Variants in CBFA2T2 observed in about 807,000 individuals in gnomAD.
CBFA2T2 encodes protein CBFA2T2.
A neutral mutation model predicts 62.2 loss-of-function variants in CBFA2T2; 11 were observed. The ratio of observed to expected loss-of-function variants is 0.18; its 90% CI spans 0.11 to 0.29. The LOEUF is 0.29. CBFA2T2 is among the 10% of genes least tolerant of loss of function. CBFA2T2 has a pLI of 1.00. For missense variants in CBFA2T2, 592 were observed against 774.1 expected (o/e 0.76, Z 2.79); for synonymous variants, 295 against 287.5 (o/e 1.03, Z -0.27).
At chr20:33,559,131 T>C (rs2013006830) in intron 1 of CBFA2T2, among the ~76,000 whole-genome samples, 1 of 151,914 alleles carries the variant, frequency 6.6e-6, no homozygotes, top group African/African-American at 2.4e-5. Flanking sequence ...ATTTAAACAT[T>C]TTATTGTGTT....
At position 33,490,260 on chromosome 20, in the gene CBFA2T2, G is replaced by T; in HGVS notation, c.-8G>T. ...GAGGCGGGCGGCGCGCGGCGGCGGC[G>T]CTCGGCGATGGTAGGCGTCCCTGGA... is the stretch of plus-strand genomic sequence containing the variant. On this transcript the variant is annotated 5_prime_UTR_variant, in exon 1 of 11. Transcript: ENST00000342704. 2 of 1,241,540 alleles carry T rather than the reference G, an allele frequency of 1.6e-6. No homozygotes were observed. The highest frequency in any genetic ancestry group is 2.0e-6 in the Non-Finnish European group (2 of 993,182). The allele number at this position is 1,241,540 out of a possible 1,614,324, so 76.9% of individuals were successfully genotyped here. A position where few individuals can be genotyped will look rare whatever the true frequency, so the allele number is the denominator to read the frequency against.
At chr20:33,495,057 A>G (rs188324364) in intron 1 of CBFA2T2, among the ~76,000 whole-genome samples, 7 of 152,270 alleles carry the variant, frequency 4.6e-5, no homozygotes, top group African/African-American at 7.2e-5. Context: ...TACCTTCTCA[A>G]TCCATTAGGT....
intron 1 of CBFA2T2, among the ~76,000 whole-genome samples, chr20:33,570,718 A>C (rs922274315): frequency 3.9e-5 from 6 of 152,186 alleles, no homozygotes; most frequent in Non-Finnish European, 7.3e-5. Context: ...TCATTCTGTC[A>C]TTGTACATAC....
chr20:33,543,508 A>G lies in CBFA2T2; in HGVS notation c.34+53207A>G, dbSNP rs144237537. ...AAAAGTAAATAGTTATTAGAGTTCA[A>G]AGAAGTGGGGGAGATGAACACGTAC... On this transcript the variant is annotated intron_variant, in intron 1 of 10. Coordinates refer to ENST00000342704, the MANE Select transcript of CBFA2T2 (RefSeq NM_001032999.3). Among the ~76,000 whole-genome samples the G allele has an allele frequency of 2.6e-4, 40 of 152,300 alleles. No homozygotes were observed. In the East Asian group the frequency reaches 5.8e-3, roughly 22 times the overall value.
At chr20:33,635,625 T>C (rs1443196806) in intron 8 of CBFA2T2, among the ~76,000 whole-genome samples, 3 of 152,172 alleles carry the variant, frequency 2.0e-5, no homozygotes, top group Admixed American at 2.0e-4. Flanking sequence ...CCTAGCTCTT[T>C]GGGAGACTGA....
chr20:33,555,520 C>T (rs925522273), intron 1 of CBFA2T2, among the ~76,000 whole-genome samples: 1 of 152,254 alleles, frequency 6.6e-6, no homozygotes, highest in East Asian at 1.9e-4. Flanking sequence ...ACATTTTACT[C>T]CAATTGCTTT....
chr20:33,505,236 G>A (rs976243562), intron 1 of CBFA2T2, among the ~76,000 whole-genome samples: 1 of 152,150 alleles, frequency 6.6e-6, no homozygotes, highest in Non-Finnish European at 1.5e-5. Flanking sequence ...GAAGATATGG[G>A]TGTCATCCCA....
chr20:33,591,473 A>G (rs2014630038), intron 1 of CBFA2T2, among the ~76,000 whole-genome samples: 2 of 134,050 alleles, frequency 1.5e-5, no homozygotes, highest in African/African-American at 3.4e-5. Context: ...ATCTCAAAAA[A>G]AAAAAAAAAA....
Position 33,491,526 on chromosome 20 carries a change from C to T in CBFA2T2, c.34+1225C>T, listed in dbSNP as rs927894611. ...TTAAACACGTGAAAGGGAGGCTTTA[C>T]GCTTCTTTTTTTTTGCACCCATTAA... On this transcript the variant is annotated intron_variant, in intron 1 of 10. Coordinates refer to ENST00000342704, the MANE Select transcript of CBFA2T2 (RefSeq NM_001032999.3). Among the ~76,000 whole-genome samples the T allele has an allele frequency of 3.3e-5, 5 of 152,084 alleles. No individual in the cohort carries two copies. In the South Asian group the frequency reaches 6.2e-4, roughly 19 times the overall value.
rs1307511590 is a variant in CBFA2T2 at position 33,606,992 on chromosome 20, C to T, written c.71C>T (p.Ser24Leu). Reference protein sequence around the residue: ...PEKRVPAMPGSPVEVKIQSRS... With the variant: ...PEKRVPAMPGLPVEVKIQSRS... The stretch of plus-strand genomic sequence containing the variant: ...AAAAGGGTGCCAGCGATGCCTGGAT[C>T]GCCTGTGGAAGTGAAGATACAGTCC... The change falls in exon 2 of 11, where the codon TCG becomes TTG. Residue 24 changes from serine (S) to leucine (L), a missense_variant. Around this residue, in one of 3 missense-constraint regions of CBFA2T2, gnomAD observed 449 missense variants for 551.2 expected, o/e 0.81. Transcript: ENST00000342704. 5.6e-6 allele frequency: 9 copies of T among 1,613,784 alleles called. No individual in the cohort carries two copies. The highest frequency in any genetic ancestry group is 2.7e-5 in the African/African-American group (2 of 74,912).
intron 1 of CBFA2T2, among the ~76,000 whole-genome samples, chr20:33,553,568 G>A (rs923839939): frequency 2.6e-5 from 4 of 152,296 alleles, no homozygotes; most frequent in East Asian, 1.9e-4. Flanking sequence ...TATAGTGACC[G>A]TTTTTGGCTT....
At chr20:33,550,181 C>T (rs1284554809) in intron 1 of CBFA2T2, among the ~76,000 whole-genome samples, 1 of 151,946 alleles carries the variant, frequency 6.6e-6, no homozygotes, top group African/African-American at 2.4e-5. Context: ...TTGGATGGGA[C>T]AGGATGGTGA....
chr20:33,496,667 G>T (rs189787909), intron 1 of CBFA2T2, among the ~76,000 whole-genome samples: 78 of 152,280 alleles, frequency 5.1e-4, no homozygotes, highest in African/African-American at 1.3e-3. Context: ...CTATTTAAAA[G>T]GGGTAAGAAT....
intron 1 of CBFA2T2, among the ~76,000 whole-genome samples, chr20:33,549,880 T>G (rs1189830229): frequency 6.6e-6 from 1 of 151,292 alleles, no homozygotes; most frequent in African/African-American, 2.4e-5. Flanking sequence ...TTTTTTTTTT[T>G]TCTCTAAATC....
chr20:33,581,480 T>TTGTG lies in CBFA2T2; in HGVS notation c.35-25458_35-25455dup, dbSNP rs3051490. On this transcript the variant is annotated intron_variant, in intron 1 of 10. Coordinates refer to ENST00000342704, the MANE Select transcript of CBFA2T2 (RefSeq NM_001032999.3). ...CTCAAGGTTTTTTGTTTTTTGTTCTTTGTGTGTGTGTGTGTGTGTGTCTGT... is the reference window on the plus strand; with the variant it reads ...CTCAAGGTTTTTTGTTTTTTGTTCTTTGTGTGTGTGTGTGTGTGTGTGTGTCTGT... 5.3e-4 allele frequency among the ~76,000 whole-genome samples: 80 copies of TTGTG among 150,662 alleles called. No individual in the cohort carries two copies. In the Middle Eastern group the frequency reaches 0.017, roughly 32 times the overall value.
intron 1 of CBFA2T2, among the ~76,000 whole-genome samples, chr20:33,573,183 G>A (rs1040640414): frequency 6.6e-6 from 1 of 152,162 alleles, no homozygotes; most frequent in African/African-American, 2.4e-5. Context: ...TGCCCTCATG[G>A]AGATTAAATT....
intron 1 of CBFA2T2, among the ~76,000 whole-genome samples, chr20:33,596,046 T>A (rs2014870952): frequency 6.6e-6 from 1 of 152,230 alleles, no homozygotes; most frequent in South Asian, 2.1e-4. Flanking sequence ...TTCAAGAATA[T>A]AAATCTCTAG....
chr20:33,514,264 G>C (rs1160463273), intron 1 of CBFA2T2, among the ~76,000 whole-genome samples: 1 of 138,998 alleles, frequency 7.2e-6, no homozygotes, highest in African/African-American at 2.7e-5. Flanking sequence ...ACCCAGGCTG[G>C]AGTGCAGTGG....
chr20:33,580,540 C>G (rs2014064495), intron 1 of CBFA2T2, among the ~76,000 whole-genome samples: 1 of 152,174 alleles, frequency 6.6e-6, no homozygotes, highest in Non-Finnish European at 1.5e-5. Context: ...CATTACGCAG[C>G]AGCTGATAGC....
Sources: allele counts gnomAD v4.1 joint callset (sites outside exome capture counted in the v4.1 genomes callset), GRCh38; gene constraint gnomAD v4.1.1; regional missense constraint gnomAD v4.1.1; transcripts MANE v1.5; gene names NCBI Gene and HGNC (gene_info 2026-07-23, HGNC 2026-07-21).